Variants in TUBGCP3 observed in about 807,000 individuals in gnomAD.
TUBGCP3 encodes tubulin gamma complex component 3.
Under a neutral mutation model 123.1 loss-of-function variants are expected in TUBGCP3, and 50 were observed. That is an observed-to-expected ratio of 0.41 (90% CI 0.32 to 0.51). TUBGCP3 has a LOEUF of 0.51. Ranked by LOEUF, TUBGCP3 falls within the 20% of genes least tolerant of loss-of-function variation. The probability of loss-of-function intolerance (pLI) is 0.36; values close to 1 mark genes in which losing one functional copy is unlikely to be tolerated. For missense variants in TUBGCP3, 882 were observed against 1,127.0 expected, an observed-to-expected ratio of 0.78 and a Z score of 3.11; for synonymous variants, 405 against 413.9, an observed-to-expected ratio of 0.98 and a Z score of 0.26.
At chr13:112,516,674 T>A in intron 16 of TUBGCP3, 99 bp from the exon 17 acceptor site, 1 of 1,381,584 alleles carries the variant, frequency 7.2e-7, no homozygotes, top group Non-Finnish European at 9.7e-7. Context: ...TTTAGCAAAC[T>A]ATCATAATAG....
chr13:112,547,569 TGGGAAAGTCGC>T, intron 10 of TUBGCP3, 40 bp downstream of exon 10: 1 of 1,412,362 alleles, frequency 7.1e-7, no homozygotes, highest in South Asian at 1.6e-5. Flanking sequence ...AAGTCGCGCG[TGGGAAAGTCGC>T]GCGTGGGAAA....
the TUBGCP3 span, among the ~76,000 whole-genome samples, chr13:112,594,353 A>T: frequency 6.6e-6 from 1 of 152,248 alleles, no homozygotes; most frequent in African/African-American, 2.4e-5. Context: ...TAACTCCTCA[A>T]TAGAATAAAA....
intron 20 of TUBGCP3, among the ~76,000 whole-genome samples, chr13:112,490,544 C>T (rs1213495752): frequency 5.3e-5 from 8 of 152,204 alleles, no homozygotes; most frequent in Non-Finnish European, 1.2e-4. Context: ...CGGGAGCCAC[C>T]GCTCCTGGCC....
At chr13:112,605,186 G>C in the TUBGCP3 span, 2 of 152,338 alleles carry the variant, frequency 1.3e-5, no homozygotes, top group Non-Finnish European at 2.9e-5. Context: ...GCAGGCACCT[G>C]TAATCCCAGC....
intron 1 of TUBGCP3, among the ~76,000 whole-genome samples, chr13:112,586,129 C>T (rs1232169630): frequency 1.3e-5 from 2 of 151,628 alleles, no homozygotes; most frequent in African/African-American, 2.4e-5. Flanking sequence ...GTCCCAGCTA[C>T]TCGGGAGGCT....
At chr13:112,546,849 G>A (rs1879042639) in intron 10 of TUBGCP3, 1 of 152,294 alleles carries the variant, frequency 6.6e-6, no homozygotes, top group African/African-American at 2.4e-5. Flanking sequence ...AAGGTGTGCA[G>A]ACAGCAAGAT....
intron 16 of TUBGCP3, 113 bp downstream of exon 16, chr13:112,518,862 T>C: frequency 1.2e-6 from 1 of 862,166 alleles, no homozygotes; most frequent in Non-Finnish European, 1.9e-6. Flanking sequence ...AGATCTTAGA[T>C]GTCGAGTGAT....
intron 11 of TUBGCP3, among the ~76,000 whole-genome samples, chr13:112,539,412 C>T (rs1349803420): frequency 6.6e-6 from 1 of 152,156 alleles, no homozygotes; most frequent in Non-Finnish European, 1.5e-5. Flanking sequence ...TATATGCCCA[C>T]TGGTATTGCA....
upstream of TUBGCP3, chr13:112,588,234 G>T: frequency 2.9e-6 from 1 of 348,206 alleles, no homozygotes; most frequent in Non-Finnish European, 5.2e-6. Context: ...GCCCTGTCTG[G>T]TGCATTCCCC....
intron 21 of TUBGCP3, among the ~76,000 whole-genome samples, chr13:112,487,354 G>GA (rs1219551989): frequency 6.6e-6 from 1 of 152,130 alleles, no homozygotes. Context: ...TGCTGTTACA[G>GA]AAAAGAATCT....
At chr13:112,498,728 C>A (rs1880683679) in intron 20 of TUBGCP3, 4 of 1,475,416 alleles carry the variant, frequency 2.7e-6, no homozygotes, top group South Asian at 1.4e-5. Flanking sequence ...TGATGCAGAG[C>A]GGAGGCAGCT....
chr13:112,539,461 T>C (rs575490513), intron 11 of TUBGCP3, among the ~76,000 whole-genome samples: 12 of 152,342 alleles, frequency 7.9e-5, no homozygotes, highest in African/African-American at 2.4e-4. Flanking sequence ...GAACACAATA[T>C]ACTTTATGTC....
intron 20 of TUBGCP3, among the ~76,000 whole-genome samples, chr13:112,495,177 A>G (rs766004473): frequency 1.4e-4 from 22 of 152,154 alleles, no homozygotes; most frequent in Non-Finnish European, 2.8e-4. Flanking sequence ...GTTTTCCATT[A>G]GTATTTCCAT....
chr13:112,523,449 G>GC (rs1434753677), intron 13 of TUBGCP3, among the ~76,000 whole-genome samples: 1 of 152,196 alleles, frequency 6.6e-6, no homozygotes, highest in African/African-American at 2.4e-5. Context: ...TTTCACACTA[G>GC]TAGCAAACAA....
intron 11 of TUBGCP3, among the ~76,000 whole-genome samples, chr13:112,538,237 T>C (rs1325035931): frequency 3.3e-5 from 5 of 152,242 alleles, no homozygotes; most frequent in Non-Finnish European, 7.3e-5. Flanking sequence ...GAAATGTTCA[T>C]TGCAGTATTT....
intron 11 of TUBGCP3, among the ~76,000 whole-genome samples, chr13:112,536,991 G>T (rs981851181): frequency 2.0e-5 from 3 of 151,980 alleles, no homozygotes; most frequent in African/African-American, 7.3e-5. Context: ...GCCCAGACTG[G>T]TCTCAAACTC....
intron 3 of TUBGCP3, 112 bp downstream of exon 3, chr13:112,564,999 A>T: frequency 1.2e-6 from 1 of 833,564 alleles, no homozygotes; most frequent in Non-Finnish European, 1.8e-6. Context: ...AAAAGCAATT[A>T]CCAATTATAG....
At chr13:112,601,302 T>C in the TUBGCP3 span, among the ~76,000 whole-genome samples, 1 of 152,114 alleles carries the variant, frequency 6.6e-6, no homozygotes, top group African/African-American at 2.4e-5. Context: ...TCTTCTCTCA[T>C]CTTGCTCGTC....
chr13:112,523,531 C>T (rs1296016750), intron 13 of TUBGCP3, among the ~76,000 whole-genome samples: 6 of 152,330 alleles, frequency 3.9e-5, no homozygotes, highest in South Asian at 2.1e-4. Context: ...CACGACACCA[C>T]GGAACCCCTT....
Sources: gnomAD v4.1 joint callset for allele counts (sites outside exome capture counted in the v4.1 genomes callset) on GRCh38, gnomAD v4.1.1 for gene constraint, MANE v1.5 for transcripts, NCBI Gene and HGNC (gene_info 2026-07-23, HGNC 2026-07-21) for gene names.